Variants in ADAMTS20 observed in about 807,000 individuals in gnomAD.
ADAMTS20 encodes A disintegrin and metalloproteinase with thrombospondin motifs 20.
Under a neutral mutation model 260.1 loss-of-function variants are expected in ADAMTS20, and 225 were observed. That is an observed-to-expected ratio of 0.87 (90% CI 0.78 to 0.97). The LOEUF (loss-of-function observed/expected upper bound fraction) is 0.97, where lower values mean the gene tolerates loss of function less well. Among genes scored for constraint, ADAMTS20 ranks in the 50% least tolerant of loss-of-function variants. The probability of loss-of-function intolerance (pLI) is 0.00; values close to 1 mark genes in which losing one functional copy is unlikely to be tolerated. For synonymous variants in ADAMTS20, 802 were observed against 769.5 expected, an observed-to-expected ratio of 1.04 and a Z score of -0.70; for missense variants, 2,400 against 2,337.7, an observed-to-expected ratio of 1.03 and a Z score of -0.55.
At chr12:43,524,928 G>A (rs1244222706) in intron 3 of ADAMTS20, among the ~76,000 whole-genome samples, 1 of 152,202 alleles carries the variant, frequency 6.6e-6, no homozygotes, top group Admixed American at 6.5e-5. Context: ...TGAGTGGGAA[G>A]AGAAAGCAAA....
chr12:43,429,758 T>A, intron 23 of ADAMTS20, 34 bp from the exon 24 acceptor site: 1 of 1,342,812 alleles, frequency 7.4e-7, no homozygotes, highest in Non-Finnish European at 1.0e-6. Context: ...CGTAAAACAT[T>A]AATTAATGAC....
intron 38 of ADAMTS20, among the ~76,000 whole-genome samples, chr12:43,355,812 T>A (rs1181758515): frequency 6.6e-6 from 1 of 152,044 alleles, no homozygotes; most frequent in Non-Finnish European, 1.5e-5. Context: ...TTAAGTGGAT[T>A]CTACTTTGGA....
intron 3 of ADAMTS20, among the ~76,000 whole-genome samples, chr12:43,513,085 A>G (rs1431205442): frequency 6.6e-6 from 1 of 152,174 alleles, no homozygotes; most frequent in Non-Finnish European, 1.5e-5. Flanking sequence ...CTCTACTTAG[A>G]ATAAAAACCT....
intron 14 of ADAMTS20, among the ~76,000 whole-genome samples, chr12:43,447,255 C>T (rs949934736): frequency 6.6e-6 from 1 of 151,974 alleles, no homozygotes; most frequent in South Asian, 2.1e-4. Flanking sequence ...AAAATACTTG[C>T]AAACCAAATC....
rs772624911 is a variant in ADAMTS20 at position 43,427,025 on chromosome 12, T to C, written c.4107+283A>G. On this transcript the variant is annotated intron_variant, in intron 27 of 38. Coordinates refer to ENST00000389420, the MANE Select transcript of ADAMTS20 (RefSeq NM_025003.5). ...CCATCTTTATTAAAAATGAAAAAAATAGCCAGGCATGGTGGCACACACCTG... is the reference window on the plus strand; with the variant it reads ...CCATCTTTATTAAAAATGAAAAAAACAGCCAGGCATGGTGGCACACACCTG... Among the ~76,000 whole-genome samples, 14 of 151,670 alleles carry C rather than the reference T, an allele frequency of 9.2e-5. 1 individual carries two copies. The highest frequency in any genetic ancestry group is 1.8e-4 in the Non-Finnish European group (12 of 67,904).
chr12:43,469,559 G>A (rs913409912), intron 7 of ADAMTS20, among the ~76,000 whole-genome samples: 1 of 151,930 alleles, frequency 6.6e-6, no homozygotes, highest in Non-Finnish European at 1.5e-5. Flanking sequence ...CCATGATTTT[G>A]CTATTATTAC....
chr12:43,471,504 T>A (rs371198736), intron 7 of ADAMTS20, among the ~76,000 whole-genome samples: 18 of 129,244 alleles, frequency 1.4e-4, no homozygotes, highest in African/African-American at 4.2e-4. Flanking sequence ...GAGGCCTGCC[T>A]GCCTCTGTAG....
intron 7 of ADAMTS20, among the ~76,000 whole-genome samples, chr12:43,488,728 T>TA (rs1942558927): frequency 6.6e-6 from 1 of 152,180 alleles, no homozygotes. Context: ...TAGTGTATTG[T>TA]AAGTGCCTAC....
At chr12:43,380,250 T>C (rs921051766) in intron 31 of ADAMTS20, among the ~76,000 whole-genome samples, 1 of 152,146 alleles carries the variant, frequency 6.6e-6, no homozygotes, top group South Asian at 2.1e-4. Context: ...ACTTTCATAA[T>C]ATAAACATGA....
At chr12:43,459,411 C>T (rs1018084000) in intron 11 of ADAMTS20, among the ~76,000 whole-genome samples, 1 of 152,196 alleles carries the variant, frequency 6.6e-6, no homozygotes, top group Non-Finnish European at 1.5e-5. Context: ...AGCTATAACA[C>T]TCACAGCATG....
intron 3 of ADAMTS20, among the ~76,000 whole-genome samples, chr12:43,516,467 A>G (rs2137473056): frequency 6.6e-6 from 1 of 152,236 alleles, no homozygotes; most frequent in East Asian, 1.9e-4. Context: ...TTTACAATTA[A>G]GTGGTTGGTA....
At position 43,418,129 on chromosome 12, in the gene ADAMTS20, G is replaced by A. The variant is rs542927945; in HGVS notation, c.4284+7385C>T. On this transcript the variant is annotated intron_variant, in intron 28 of 38. Transcript: ENST00000389420. ...TTACCAATTTTTATATTACCAAAAA[G>A]AGGCTTGTTCCAAATTTGCTGAATT... is the stretch of plus-strand genomic sequence containing the variant. Among the ~76,000 whole-genome samples, 3 of 152,264 alleles carry A rather than the reference G, an allele frequency of 2.0e-5. No individual in the cohort carries two copies. In the East Asian group the frequency reaches 5.8e-4, roughly 29 times the overall value.
chr12:43,527,416 G>A (rs1943158621), intron 3 of ADAMTS20, among the ~76,000 whole-genome samples: 2 of 151,954 alleles, frequency 1.3e-5, no homozygotes, highest in Admixed American at 1.3e-4. Context: ...CAATATCCCT[G>A]ATAAAAATGA....
intron 3 of ADAMTS20, among the ~76,000 whole-genome samples, chr12:43,523,786 C>A (rs1049406628): frequency 6.6e-6 from 1 of 152,064 alleles, no homozygotes; most frequent in Non-Finnish European, 1.5e-5. Flanking sequence ...AGGGGTTGTT[C>A]CTTGCCGCAC....
chr12:43,495,179 C>A (rs1942659942), intron 4 of ADAMTS20, among the ~76,000 whole-genome samples: 1 of 152,066 alleles, frequency 6.6e-6, no homozygotes, highest in Admixed American at 6.5e-5. Flanking sequence ...AATCTGCAAG[C>A]TAGAATTTGG....
chr12:43,507,323 A>G (rs545529782), intron 3 of ADAMTS20, among the ~76,000 whole-genome samples: 1 of 152,214 alleles, frequency 6.6e-6, no homozygotes, highest in East Asian at 1.9e-4. Flanking sequence ...CATACGTGGC[A>G]TCCTATTCTG....
In ADAMTS20 at chr12:43,377,655, A is replaced by G. The variant is rs993591093; in HGVS notation, c.4798-93T>C. The G allele has an allele frequency of 4.0e-6, 4 of 988,452 alleles. No homozygotes were observed. The South Asian group carries it at 9.0e-5, about 22-fold the overall frequency. The allele number at this position is 988,452 out of a possible 1,614,324, so 61.2% of individuals were successfully genotyped here. Reference sequence around the variant, plus strand: ...TGCTTAATATATATTATGCTGTGTCATTTCCACAACAATCCTATTTAATTA... The same window carrying G: ...TGCTTAATATATATTATGCTGTGTCGTTTCCACAACAATCCTATTTAATTA... On this transcript the variant is annotated intron_variant, in intron 31 of 38. Coordinates refer to ENST00000389420, the MANE Select transcript of ADAMTS20 (RefSeq NM_025003.5).
intron 28 of ADAMTS20, among the ~76,000 whole-genome samples, chr12:43,421,489 A>T (rs918594043): frequency 6.6e-6 from 1 of 152,046 alleles, no homozygotes; most frequent in African/African-American, 2.4e-5. Context: ...TTCTAAAATG[A>T]AACTTAGTGA....
intron 13 of ADAMTS20, 32 bp from the exon 14 acceptor site, chr12:43,452,442 G>T: frequency 6.2e-7 from 1 of 1,606,552 alleles, no homozygotes; most frequent in Non-Finnish European, 8.5e-7. Context: ...AATTTTTAAT[G>T]TATAATAATA....
Sources: gnomAD v4.1 joint callset for allele counts (sites outside exome capture counted in the v4.1 genomes callset) on GRCh38, gnomAD v4.1.1 for gene constraint, MANE v1.5 for transcripts, NCBI Gene and HGNC (gene_info 2026-07-23, HGNC 2026-07-21) for gene names.